RANBP2: variants seen among roughly 807,000 people sequenced by gnomAD.
RANBP2 encodes E3 SUMO-protein ligase RanBP2.
Under a neutral mutation model 303.6 loss-of-function variants are expected in RANBP2, and 57 were observed. The observed-to-expected ratio is 0.19, with a 90% CI of 0.15 to 0.23. The LOEUF is 0.23. Ranked by LOEUF, RANBP2 falls within the 10% of genes least tolerant of loss-of-function variation. The probability of loss-of-function intolerance (pLI) is 1.00; values close to 1 mark genes in which losing one functional copy is unlikely to be tolerated. For synonymous variants in RANBP2, 1,167 were observed against 1,301.5 expected, an observed-to-expected ratio of 0.90 and a Z score of 2.23; for missense variants, 3,138 against 3,780.8, an observed-to-expected ratio of 0.83 and a Z score of 4.46.
chr2:109,584,339 G>GT, the RANBP2 span, among the ~76,000 whole-genome samples: 6 of 151,870 alleles, frequency 4.0e-5, no homozygotes, highest in African/African-American at 1.5e-4. Flanking sequence ...ATTAGGTGTG[G>GT]TGGCAGGTGC....
chr2:108,936,304 G>A, the RANBP2 span, among the ~76,000 whole-genome samples: 7 of 152,354 alleles, frequency 4.6e-5, no homozygotes, highest in East Asian at 1.9e-4. Flanking sequence ...CCCCTCCAGC[G>A]TGCTTACCTG....
At chr2:109,258,080 G>C in the RANBP2 span, among the ~76,000 whole-genome samples, 8 of 152,274 alleles carry the variant, frequency 5.3e-5, no homozygotes, top group East Asian at 1.5e-3. Context: ...TGGGCTACCA[G>C]GCAGACTTTC....
At chr2:109,450,345 CAAA>C in the RANBP2 span, among the ~76,000 whole-genome samples, 2 of 109,046 alleles carry the variant, frequency 1.8e-5, no homozygotes, top group Non-Finnish European at 4.1e-5. Flanking sequence ...GACTGCATCT[CAAA>C]AAAAAAAAAA....
chr2:109,554,173 G>A, the RANBP2 span, among the ~76,000 whole-genome samples: 1 of 152,122 alleles, frequency 6.6e-6, no homozygotes, highest in South Asian at 2.1e-4. Flanking sequence ...GTGCATCAGT[G>A]AGTGATGGCA....
chr2:109,051,752 C>CT, the RANBP2 span, among the ~76,000 whole-genome samples: 1,324 of 140,938 alleles, frequency 9.4e-3, 7 homozygotes, highest in East Asian at 0.032. Flanking sequence ...TTTCTAAGTT[C>CT]TTTTTTTTTT....
the RANBP2 span, among the ~76,000 whole-genome samples, chr2:109,074,373 A>C: frequency 6.6e-6 from 1 of 150,676 alleles, no homozygotes; most frequent in African/African-American, 2.4e-5. Context: ...GTCTCAAAAA[A>C]AAAAGGCAAT....
At chr2:109,591,191 A>G in the RANBP2 span, among the ~76,000 whole-genome samples, 18 of 152,354 alleles carry the variant, frequency 1.2e-4, no homozygotes, top group East Asian at 3.5e-3. Flanking sequence ...TCCTCGTGAA[A>G]GTGTTCAAGA....
chr2:109,058,304 C>T, the RANBP2 span, among the ~76,000 whole-genome samples: 6 of 152,340 alleles, frequency 3.9e-5, no homozygotes, highest in Admixed American at 1.3e-4. Flanking sequence ...CAGCCAGCTA[C>T]GCCTGGACTG....
chr2:108,831,276 TGAAAG>T, the RANBP2 span, among the ~76,000 whole-genome samples: 1 of 152,158 alleles, frequency 6.6e-6, no homozygotes, highest in Admixed American at 6.5e-5. Flanking sequence ...TCTTAAACGT[TGAAAG>T]GACAAATTGT....
the RANBP2 span, among the ~76,000 whole-genome samples, chr2:109,301,129 A>G: frequency 6.6e-6 from 1 of 152,224 alleles, no homozygotes; most frequent in Non-Finnish European, 1.5e-5. Context: ...ATAGAAGGCC[A>G]GCTCACTAGC....
the RANBP2 span, among the ~76,000 whole-genome samples, chr2:108,843,216 G>A: frequency 6.6e-6 from 1 of 152,226 alleles, no homozygotes; most frequent in East Asian, 1.9e-4. Flanking sequence ...AGAGTGCAGT[G>A]GCATGATCTT....
the RANBP2 span, among the ~76,000 whole-genome samples, chr2:109,289,512 G>A: frequency 2.0e-5 from 3 of 152,314 alleles, no homozygotes; most frequent in Admixed American, 6.5e-5. Flanking sequence ...GTCAGACATT[G>A]TGTGTGGTGG....
At chr2:109,108,127 G>A in the RANBP2 span, among the ~76,000 whole-genome samples, 541 of 152,252 alleles carry the variant, frequency 3.6e-3, no homozygotes, top group African/African-American at 0.012. Flanking sequence ...GGATGGTCTC[G>A]ATCTCCTGCC....
the RANBP2 span, among the ~76,000 whole-genome samples, chr2:109,689,737 T>G: frequency 1.3e-5 from 2 of 152,326 alleles, no homozygotes; most frequent in East Asian, 3.9e-4. Context: ...TCTAAAAGCA[T>G]AGTCAAGCAC....
At chr2:108,890,685 G>A in the RANBP2 span, among the ~76,000 whole-genome samples, 1 of 152,162 alleles carries the variant, frequency 6.6e-6, no homozygotes, top group African/African-American at 2.4e-5. Flanking sequence ...AGATCACTGA[G>A]TCTCCTGTAT....
At chr2:109,230,294 G>C in the RANBP2 span, among the ~76,000 whole-genome samples, 2 of 152,132 alleles carry the variant, frequency 1.3e-5, no homozygotes, top group Non-Finnish European at 2.9e-5. Context: ...CTGTAACCCT[G>C]GCCAGGCATA....
the RANBP2 span, among the ~76,000 whole-genome samples, chr2:108,835,979 A>G: frequency 1.3e-5 from 2 of 152,178 alleles, no homozygotes; most frequent in Middle Eastern, 3.2e-3. Context: ...GGAGAAAGGG[A>G]GCCCAGTCCC....
At chr2:109,171,472 C>T in the RANBP2 span, among the ~76,000 whole-genome samples, 1 of 152,256 alleles carries the variant, frequency 6.6e-6, no homozygotes, top group Non-Finnish European at 1.5e-5. Flanking sequence ...TCCACGCTTG[C>T]CCCCCTACCC....
the RANBP2 span, among the ~76,000 whole-genome samples, chr2:109,330,510 C>A: frequency 6.6e-6 from 1 of 152,124 alleles, no homozygotes; most frequent in East Asian, 1.9e-4. Flanking sequence ...AGGGGGTGTC[C>A]CCCCTTGTAT....
Sources: gnomAD v4.1 joint callset for allele counts (sites outside exome capture counted in the v4.1 genomes callset) on GRCh38, gnomAD v4.1.1 for gene constraint, MANE v1.5 for transcripts, NCBI Gene and HGNC (gene_info 2026-07-23, HGNC 2026-07-21) for gene names.